The following GSTT4 variants were observed in gnomAD, a reference collection of about 807,000 sequenced individuals.
The protein encoded by GSTT4 is glutathione S-transferase theta-4.
chr22:23,993,246 A>G, the GSTT4 span, among the ~76,000 whole-genome samples: 1 of 152,006 alleles, frequency 6.6e-6, no homozygotes, highest in Non-Finnish European at 1.5e-5. Context: ...CTTGTTTTTT[A>G]GAGACGAGGT....
At chr22:23,997,352 G>A (rs958484740), downstream of GSTT4, among the ~76,000 whole-genome samples, 4 of 151,976 alleles carry the variant, frequency 2.6e-5, no homozygotes, top group African/African-American at 9.7e-5. Flanking sequence ...AGTTAGCTAA[G>A]ACTACAGGCT....
At chr22:24,000,632 C>T (rs1442556924) in intron 3 of GSTT4, among the ~76,000 whole-genome samples, 3 of 144,712 alleles carry the variant, frequency 2.1e-5, no homozygotes, top group Non-Finnish European at 2.9e-5. Flanking sequence ...AATCTTGGCT[C>T]ACTGCCAACT....
downstream of GSTT4, among the ~76,000 whole-genome samples, chr22:23,993,867 T>C (rs1433364358): frequency 6.6e-6 from 1 of 152,194 alleles, no homozygotes; most frequent in Non-Finnish European, 1.5e-5. Context: ...CATGTTCTGA[T>C]ACCTGGGCCA....
downstream of GSTT4, among the ~76,000 whole-genome samples, chr22:23,996,423 A>G (rs1311592489): frequency 2.7e-5 from 4 of 148,594 alleles, no homozygotes; most frequent in African/African-American, 9.9e-5. Context: ...CCTGTTCCTG[A>G]TCTTAGGGGG....
the GSTT4 span, among the ~76,000 whole-genome samples, chr22:23,989,805 C>T: frequency 6.7e-6 from 1 of 149,188 alleles, no homozygotes; most frequent in Admixed American, 6.8e-5. Flanking sequence ...GCATTAGGTG[C>T]CTGGTGTTTG....
downstream of GSTT4, among the ~76,000 whole-genome samples, chr22:23,995,108 G>A (rs1337472980): frequency 2.6e-5 from 4 of 152,016 alleles, no homozygotes; most frequent in African/African-American, 7.3e-5. Flanking sequence ...GGCTGGCGTA[G>A]TCCCTCAAGA....
intron 2 of GSTT4, among the ~76,000 whole-genome samples, chr22:24,002,848 A>AC (rs1404912748): frequency 1.7e-4 from 6 of 36,078 alleles, no homozygotes; most frequent in African/African-American, 3.3e-4. Flanking sequence ...AAAAAAAAAA[A>AC]AACTTCTTTG....
At chr22:23,990,400 A>T in the GSTT4 span, among the ~76,000 whole-genome samples, 18 of 83,840 alleles carry the variant, frequency 2.1e-4, no homozygotes, top group African/African-American at 2.3e-4. Flanking sequence ...ACTTGAGCTC[A>T]GGAGCTCAAG....
chr22:23,994,508 T>C (rs390743), downstream of GSTT4, among the ~76,000 whole-genome samples: 4 of 141,808 alleles, frequency 2.8e-5, no homozygotes, highest in Admixed American at 1.4e-4. Context: ...CATTCAAATG[T>C]AATAATGAAA....
chr22:23,994,649 A>T (rs564294063), downstream of GSTT4, among the ~76,000 whole-genome samples: 412 of 151,374 alleles, frequency 2.7e-3, 2 homozygotes, highest in South Asian at 0.01. Context: ...ACTTTTTAGC[A>T]AAACATTCTA....
chr22:24,002,282 G>A (rs1159552080), intron 2 of GSTT4, among the ~76,000 whole-genome samples: 1 of 152,386 alleles, frequency 6.6e-6, no homozygotes, highest in African/African-American at 2.4e-5. Context: ...CAATGAGGGG[G>A]CCAGCAACTA....
chr22:23,989,797 A>T, the GSTT4 span, among the ~76,000 whole-genome samples: 1 of 149,212 alleles, frequency 6.7e-6, no homozygotes, highest in Non-Finnish European at 1.5e-5. Flanking sequence ...TAGAGGCCGC[A>T]TTAGGTGCCT....
At position 24,000,971 on chromosome 22, in the gene GSTT4, T is replaced by C. The variant is rs1348303671; in HGVS notation, c.351+204A>G. Reference sequence around the variant, plus strand: ...CCGTATGCCCTTCCCCTCGCCCTAATAAGACTCTTTCATGCCCATTGTTTC... The same window carrying C: ...CCGTATGCCCTTCCCCTCGCCCTAACAAGACTCTTTCATGCCCATTGTTTC... On this transcript the variant is annotated intron_variant, in intron 3 of 4. Coordinates refer to ENST00000621179, the MANE Select transcript of GSTT4 (RefSeq NM_001358664.2). Among the ~76,000 whole-genome samples the C allele has an allele frequency of 4.9e-5, 5 of 101,682 alleles. No individual in the cohort carries two copies. The East Asian group carries it at 9.1e-4, about 18-fold the overall frequency. 66.7% of individuals were successfully genotyped at this position (101,682 alleles called of 152,430 possible).
chr22:23,999,282 C>T (rs150944434), intron 4 of GSTT4, among the ~76,000 whole-genome samples: 7,045 of 91,916 alleles, frequency 0.077, 33 homozygotes, highest in Middle Eastern at 0.16. Flanking sequence ...GGGGACGAAG[C>T]ATATGGCTGA....
chr22:23,996,193 T>C (rs940902789), downstream of GSTT4, among the ~76,000 whole-genome samples: 4 of 152,068 alleles, frequency 2.6e-5, no homozygotes, highest in Admixed American at 2.0e-4. Context: ...CTGCCCGCCT[T>C]GGCCTCCCAA....
rs1320269744 is a variant in GSTT4 at position 23,998,589 on chromosome 22, A to C, written c.679T>G (p.Ser227Ala). 2.6e-5 allele frequency: 4 copies of C among 152,326 alleles called. No homozygotes were observed. Among genetic ancestry groups the C allele is most frequent in the Middle Eastern group, 1.2e-3 (2 of 1,720 alleles). 9.4% of individuals were successfully genotyped at this position (152,326 alleles called of 1,614,324 possible). Residue 227 changes from serine (S) to alanine (A), a missense_variant, in exon 5 of 5, where the codon TCA (serine) becomes GCA (alanine). Transcript: ENST00000621179. ...LADWDFSTLD[S>A]MVKENISELL... ...TCAGAAATATTCTCCTTGACCATTG[A>C]ATCCAATGTTGAAAAGTCCCAGTCG...
At chr22:24,000,598 G>A (rs1031450018) in intron 3 of GSTT4, among the ~76,000 whole-genome samples, 1 of 141,676 alleles carries the variant, frequency 7.1e-6, no homozygotes, top group Non-Finnish European at 1.5e-5. Context: ...TCACTCTGTC[G>A]CCCAGGCTGG....
the GSTT4 span, among the ~76,000 whole-genome samples, chr22:23,992,502 A>G: frequency 1.3e-5 from 2 of 150,338 alleles, no homozygotes; most frequent in African/African-American, 4.9e-5. Flanking sequence ...AGGGGACCAT[A>G]CAAGGATGTG....
intron 2 of GSTT4, 111 bp downstream of exon 2, chr22:24,003,649 T>A (rs2034286473): frequency 6.5e-6 from 1 of 154,730 alleles, no homozygotes; most frequent in African/African-American, 2.4e-5. Flanking sequence ...TAGTATTCAC[T>A]CTCCTTTAGT....
Sources: allele counts gnomAD v4.1 joint callset (sites outside exome capture counted in the v4.1 genomes callset), GRCh38; gene constraint gnomAD v4.1.1; transcripts MANE v1.5; gene names NCBI Gene and HGNC (gene_info 2026-07-23, HGNC 2026-07-21).